TRPC5: variants seen among roughly 807,000 people sequenced by gnomAD.
The protein encoded by TRPC5 is short transient receptor potential channel 5.
Under a neutral mutation model 56.5 loss-of-function variants are expected in TRPC5, and 9 were observed. The observed-to-expected ratio is 0.16, with a 90% confidence interval of 0.10 to 0.28. The LOEUF (loss-of-function observed/expected upper bound fraction) is 0.28, where lower values mean the gene tolerates loss of function less well. TRPC5 is among the 10% of genes least tolerant of loss of function. The probability of loss-of-function intolerance (pLI) is 1.00; values close to 1 mark genes in which losing one functional copy is unlikely to be tolerated. For missense variants in TRPC5, 469 were observed against 748.9 expected, an observed-to-expected ratio of 0.63 and a Z score of 4.36; for synonymous variants, 282 against 278.5, an observed-to-expected ratio of 1.01 and a Z score of -0.13.
intron 1 of TRPC5, among the ~76,000 whole-genome samples, chrX:112,039,604 G>T (rs187482115): frequency 4.5e-5 from 5 of 111,990 alleles, no homozygotes; most frequent in Non-Finnish European, 9.4e-5. Flanking sequence ...ACCACAACAG[G>T]AATTTTCCCT....
rs1047142374 is a variant in TRPC5 at position 111,973,765 on chromosome X, G to A, written c.-21-21324C>T. Among the ~76,000 whole-genome samples, 5 of 112,143 alleles carry A rather than the reference G, an allele frequency of 4.5e-5. No homozygotes were observed. In the South Asian group the frequency reaches 1.8e-3, roughly 41 times the overall value. On this transcript the variant is annotated intron_variant, in intron 1 of 10. Transcript: ENST00000262839. Reference sequence around the variant, plus strand: ...TTAAACAAATTACATTAGAAACAAAGTAATAATGAAAACAAAGTAATTTCC... The same window carrying A: ...TTAAACAAATTACATTAGAAACAAAATAATAATGAAAACAAAGTAATTTCC...
intron 3 of TRPC5, among the ~76,000 whole-genome samples, chrX:111,870,712 C>A (rs769613176): frequency 1.8e-5 from 2 of 111,496 alleles, no homozygotes; most frequent in East Asian, 5.7e-4. Context: ...ATCATGATAT[C>A]TCCCCTGCCA....
intron 3 of TRPC5, among the ~76,000 whole-genome samples, chrX:111,887,170 A>C (rs187668832): frequency 1.8e-4 from 20 of 112,542 alleles, no homozygotes; most frequent in Admixed American, 1.7e-3. Flanking sequence ...ATCTCCCTTT[A>C]TGCTATTACA....
intron 7 of TRPC5, among the ~76,000 whole-genome samples, chrX:111,796,371 T>C (rs1449873500): frequency 2.7e-5 from 3 of 111,849 alleles, no homozygotes; most frequent in African/African-American, 9.7e-5. Flanking sequence ...GTATATTTCT[T>C]TCCTGTATAT....
At chrX:111,852,592 T>C (rs1923116026) in intron 4 of TRPC5, among the ~76,000 whole-genome samples, 155 bp from the exon 5 acceptor site, 1 of 111,591 alleles carries the variant, frequency 9.0e-6, no homozygotes, top group African/African-American at 3.3e-5. Flanking sequence ...CTTGCTTTCC[T>C]ACTCCACCTC....
At chrX:111,909,259 G>T (rs778159306) in intron 3 of TRPC5, among the ~76,000 whole-genome samples, 4 of 108,154 alleles carry the variant, frequency 3.7e-5, no homozygotes, top group Non-Finnish European at 7.6e-5. Flanking sequence ...GAACCCAGGA[G>T]TCGGAGGTTG....
chrX:111,869,497 A>G (rs1022313153), intron 3 of TRPC5, among the ~76,000 whole-genome samples: 2 of 112,137 alleles, frequency 1.8e-5, no homozygotes, highest in African/African-American at 6.5e-5. Context: ...CCTATCTTTC[A>G]TTTCAAACTA....
At chrX:111,872,835 C>T (rs1028350736) in intron 3 of TRPC5, among the ~76,000 whole-genome samples, 2 of 111,506 alleles carry the variant, frequency 1.8e-5, no homozygotes, top group East Asian at 5.7e-4. Flanking sequence ...GTCAGAATGG[C>T]GATTATTAAA....
chrX:111,849,696 T>C (rs1923028569), intron 5 of TRPC5, among the ~76,000 whole-genome samples: 1 of 112,306 alleles, frequency 8.9e-6, no homozygotes, highest in African/African-American at 3.2e-5. Context: ...ATTGGATTAC[T>C]GTGTGAGTTT....
intron 2 of TRPC5, among the ~76,000 whole-genome samples, chrX:111,944,303 T>TGTGTGTGTGTGAGAGA (rs1173179815): frequency 3.3e-5 from 2 of 61,392 alleles, no homozygotes; most frequent in African/African-American, 2.1e-4. Flanking sequence ...TGTGTGTGTG[T>TGTGTGTGTGTGAGAGA]GAGAGAGAGA....
intron 2 of TRPC5, chrX:111,930,918 C>T (rs1926396015): frequency 7.3e-6 from 1 of 136,102 alleles, no homozygotes; most frequent in East Asian, 1.8e-4. Flanking sequence ...TGGAAGTGGC[C>T]AATCACATGC....
chrX:111,842,025 T>C (rs1922751451), intron 6 of TRPC5, among the ~76,000 whole-genome samples: 1 of 99,489 alleles, frequency 1.0e-5, no homozygotes, highest in Non-Finnish European at 2.0e-5. Flanking sequence ...ATTGATCTAT[T>C]GATCTATCTA....
rs776948597 is a variant in TRPC5 at position 111,903,095 on chromosome X, C to T, written c.900+9196G>A. The stretch of plus-strand genomic sequence containing the variant: ...GTGGAGCTGGCTGGACCCTTGTTTT[C>T]CTGGGTCACCTGAACAGATTGTACT... On this transcript the variant is annotated intron_variant, in intron 3 of 10. Transcript: ENST00000262839. 4.5e-5 allele frequency: 5 copies of T among 111,490 alleles called. No homozygotes were observed. The East Asian group carries it at 1.4e-3, about 32-fold the overall frequency. 9.2% of individuals were successfully genotyped at this position (111,490 alleles called of 1,213,427 possible). A position where few individuals can be genotyped will look rare whatever the true frequency, so the allele number is the denominator to read the frequency against.
intron 2 of TRPC5, among the ~76,000 whole-genome samples, chrX:111,944,028 C>T (rs755211770): frequency 1.8e-5 from 2 of 111,591 alleles, no homozygotes; most frequent in Non-Finnish European, 3.8e-5. Flanking sequence ...ATATCTTAAC[C>T]TTATTTCTTT....
intron 3 of TRPC5, among the ~76,000 whole-genome samples, chrX:111,865,140 C>G (rs976661968): frequency 9.1e-6 from 1 of 109,616 alleles, no homozygotes; most frequent in Non-Finnish European, 1.9e-5. Flanking sequence ...CTCAGCTTCC[C>G]GAGTAGCTGG....
intron 1 of TRPC5, among the ~76,000 whole-genome samples, chrX:112,014,614 G>A: frequency 8.9e-6 from 1 of 112,203 alleles, no homozygotes; most frequent in Admixed American, 9.5e-5. Flanking sequence ...TGTGGATATA[G>A]TGCCTAGCAT....
intron 1 of TRPC5, among the ~76,000 whole-genome samples, chrX:111,969,059 CA>C (rs1293758459): frequency 2.9e-5 from 3 of 104,475 alleles, no homozygotes; most frequent in African/African-American, 1.0e-4. Context: ...CAAAACAAAA[CA>C]AAAAAAATTG....
At chrX:111,783,796 A>AT (rs1449376609) in intron 7 of TRPC5, among the ~76,000 whole-genome samples, 1 of 110,690 alleles carries the variant, frequency 9.0e-6, no homozygotes, top group Non-Finnish European at 1.9e-5. Flanking sequence ...AAAACTATCC[A>AT]TTTTTTCATA....
At chrX:111,906,313 C>A (rs1925620855) in intron 3 of TRPC5, among the ~76,000 whole-genome samples, 1 of 107,740 alleles carries the variant, frequency 9.3e-6, no homozygotes, top group Admixed American at 1.0e-4. Context: ...CAAGATCATG[C>A]CACTGCACTC....
Sources: gnomAD v4.1 joint callset for allele counts (sites outside exome capture counted in the v4.1 genomes callset) on GRCh38, gnomAD v4.1.1 for gene constraint, MANE v1.5 for transcripts, NCBI Gene and HGNC (gene_info 2026-07-23, HGNC 2026-07-21) for gene names.